RAP1GDS1: variants seen among roughly 807,000 people sequenced by gnomAD.
The protein encoded by RAP1GDS1 is Rap1 GTPase-GDP dissociation stimulator 1.
A neutral mutation model predicts 71.1 loss-of-function variants in RAP1GDS1; 35 were observed. The observed-to-expected ratio is 0.49, with a 90% confidence interval of 0.38 to 0.65. The LOEUF is 0.65. RAP1GDS1 is among the 30% of genes least tolerant of loss of function. The pLI, the probability that RAP1GDS1 is intolerant of heterozygous loss-of-function variation, is 0.00. For synonymous variants in RAP1GDS1, 229 were observed against 243.1 expected (o/e 0.94, Z 0.54); for missense variants, 663 against 706.1 (o/e 0.94, Z 0.69).
At chr4:98,439,131 A>G (rs1023684471) in intron 14 of RAP1GDS1, among the ~76,000 whole-genome samples, 4 of 152,090 alleles carry the variant, frequency 2.6e-5, no homozygotes, top group Admixed American at 6.5e-5. Flanking sequence ...TTTTTAGCCA[A>G]AAAAAATTTT....
chr4:98,414,497 C>G (rs931219177), intron 7 of RAP1GDS1, among the ~76,000 whole-genome samples: 10 of 149,824 alleles, frequency 6.7e-5, no homozygotes, highest in African/African-American at 1.3e-4. Context: ...GCTTGTTTTT[C>G]TCAGGTTTGT....
In RAP1GDS1 at chr4:98,382,052, T is replaced by C. The variant is rs184093997; in HGVS notation, c.508+2889T>C. Among the ~76,000 whole-genome samples the C allele has an allele frequency of 1.3e-3, 193 of 151,708 alleles. 6 individuals are homozygous for C. In the East Asian group the frequency reaches 0.037, roughly 29 times the overall value. On this transcript the variant is annotated intron_variant, in intron 5 of 14. Coordinates refer to ENST00000408927, the MANE Select transcript of RAP1GDS1 (RefSeq NM_001100427.2). ...CCTAAACACATGCAAGTCATATATG[T>C]TATGAAAATATTCAGTAAAGTCATT...
intron 2 of RAP1GDS1, among the ~76,000 whole-genome samples, chr4:98,305,670 A>G (rs1395455310): frequency 6.6e-6 from 1 of 152,170 alleles, no homozygotes; most frequent in Non-Finnish European, 1.5e-5. Flanking sequence ...GCCTTCCGAT[A>G]TGCTCTGAAG....
intron 4 of RAP1GDS1, among the ~76,000 whole-genome samples, chr4:98,357,148 A>G (rs951314014): frequency 1.3e-5 from 2 of 151,926 alleles, no homozygotes; most frequent in Non-Finnish European, 2.9e-5. Context: ...GTTATATTCA[A>G]AAGGGAACTA....
chr4:98,387,325 G>A (rs768788028), intron 5 of RAP1GDS1: 7 of 394,526 alleles, frequency 1.8e-5, no homozygotes, highest in Non-Finnish European at 3.7e-5. Context: ...TGAATCACTG[G>A]AATTCTCAGC....
intron 3 of RAP1GDS1, among the ~76,000 whole-genome samples, chr4:98,347,798 C>T (rs10028330): frequency 0.93 from 141,688 of 152,192 alleles, 66,126 homozygotes; most frequent in East Asian, 1. Context: ...TTAGGAAATC[C>T]TTCAAAGTAG....
chr4:98,345,542 C>T (rs62321488), intron 3 of RAP1GDS1, among the ~76,000 whole-genome samples: 4,822 of 150,056 alleles, frequency 0.032, 105 homozygotes, highest in Middle Eastern at 0.051. Context: ...AGACTTAAGA[C>T]TGATATGAGG....
intron 1 of RAP1GDS1, among the ~76,000 whole-genome samples, chr4:98,283,469 C>G (rs1329259968): frequency 2.0e-5 from 3 of 151,894 alleles, no homozygotes; most frequent in African/African-American, 7.3e-5. Flanking sequence ...TAAACAGTGA[C>G]AAAGTATAAG....
intron 11 of RAP1GDS1, 68 bp downstream of exon 11, chr4:98,420,212 A>G: frequency 7.6e-7 from 1 of 1,318,322 alleles, no homozygotes; most frequent in East Asian, 2.7e-5. Context: ...TAGTTGAAAA[A>G]GGACTTGTTT....
chr4:98,285,878 TAATA>T (rs1264827904), intron 1 of RAP1GDS1, among the ~76,000 whole-genome samples: 2 of 142,032 alleles, frequency 1.4e-5, no homozygotes, highest in Non-Finnish European at 3.0e-5. Flanking sequence ...AAATTATAAA[TAATA>T]AATAATTGTA....
intron 4 of RAP1GDS1, among the ~76,000 whole-genome samples, chr4:98,375,667 G>T (rs10022047): frequency 0.15 from 22,918 of 152,054 alleles, 2,633 homozygotes; most frequent in African/African-American, 0.31. Flanking sequence ...AATATGAAAT[G>T]TACAAAGTCC....
chr4:98,355,651 A>T (rs1737850255), intron 4 of RAP1GDS1, among the ~76,000 whole-genome samples: 1 of 152,194 alleles, frequency 6.6e-6, no homozygotes. Flanking sequence ...CAGTTAGCAT[A>T]GTGTATTTGA....
chr4:98,267,332 A>G (rs1169976375), intron 1 of RAP1GDS1, among the ~76,000 whole-genome samples: 5 of 152,118 alleles, frequency 3.3e-5, no homozygotes, highest in Non-Finnish European at 7.4e-5. Flanking sequence ...CTTTTAGTTT[A>G]GGTTCAGAGG....
intron 1 of RAP1GDS1, among the ~76,000 whole-genome samples, chr4:98,272,933 C>T (rs1018844448): frequency 2.6e-5 from 4 of 152,190 alleles, no homozygotes; most frequent in African/African-American, 7.2e-5. Context: ...TCATAAGGCA[C>T]CCACCTATCG....
chr4:98,307,846 T>A (rs574025207), intron 2 of RAP1GDS1, among the ~76,000 whole-genome samples: 2 of 152,354 alleles, frequency 1.3e-5, no homozygotes, highest in African/African-American at 4.8e-5. Flanking sequence ...GCCGACTTAC[T>A]GTATTGGGTT....
At chr4:98,308,432 T>G (rs1405235185) in intron 2 of RAP1GDS1, among the ~76,000 whole-genome samples, 4 of 149,500 alleles carry the variant, frequency 2.7e-5, no homozygotes, top group Non-Finnish European at 5.9e-5. Flanking sequence ...ATTGTGCCAC[T>G]GCACTCTAGC....
At chr4:98,333,169 C>A (rs1180485494) in intron 2 of RAP1GDS1, among the ~76,000 whole-genome samples, 1 of 151,856 alleles carries the variant, frequency 6.6e-6, no homozygotes, top group Non-Finnish European at 1.5e-5. Flanking sequence ...GGTTCCTTTT[C>A]TTATTTCCTT....
At chr4:98,301,119 T>C (rs768797221) in intron 2 of RAP1GDS1, among the ~76,000 whole-genome samples, 3 of 152,202 alleles carry the variant, frequency 2.0e-5, no homozygotes, top group African/African-American at 7.2e-5. Flanking sequence ...TTTACCTTTT[T>C]ATCTAGTGTT....
Position 98,442,137 on chromosome 4 carries a change from A to G in RAP1GDS1, c.*20A>G. Reference sequence around the variant, plus strand: ...AGCTGAGAACTGCCCGATACACGGCATCATCCCATCTCTAATTTCCCCTCT... The same window carrying G: ...AGCTGAGAACTGCCCGATACACGGCGTCATCCCATCTCTAATTTCCCCTCT... On this transcript the variant is annotated 3_prime_UTR_variant, in exon 15 of 15. Transcript: ENST00000408927. 1 of 1,609,164 alleles carries G rather than the reference A, an allele frequency of 6.2e-7. No individual in the cohort carries two copies. The highest frequency in any genetic ancestry group is 8.5e-7 in the Non-Finnish European group (1 of 1,178,824).
Sources: gnomAD v4.1 joint callset for allele counts (sites outside exome capture counted in the v4.1 genomes callset) on GRCh38, gnomAD v4.1.1 for gene constraint, MANE v1.5 for transcripts, NCBI Gene and HGNC (gene_info 2026-07-23, HGNC 2026-07-21) for gene names.